The following NPAS2 variants were observed in gnomAD, a reference collection of about 807,000 sequenced individuals.
The protein encoded by NPAS2 is neuronal PAS domain protein 2, also known as neuronal PAS domain-containing protein 2.
NPAS2 carries 23 observed loss-of-function variants against 107.5 expected under a neutral mutation model. That is an observed-to-expected ratio of 0.21 (90% CI 0.15 to 0.30). The LOEUF (loss-of-function observed/expected upper bound fraction) is 0.30, where lower values mean the gene tolerates loss of function less well. Ranked by LOEUF, NPAS2 falls within the 10% of genes least tolerant of loss-of-function variation. The pLI is 1.00. For synonymous variants in NPAS2, 403 were observed against 417.5 expected (o/e 0.97, Z 0.42); for missense variants, 756 against 1,043.3 (o/e 0.72, Z 3.79).
In NPAS2 at chr2:100,996,651, A is replaced by G. The variant is rs1234824111; in HGVS notation, c.*1069A>G. On this transcript the variant is annotated 3_prime_UTR_variant, in exon 21 of 21. Coordinates refer to ENST00000335681, the MANE Select transcript of NPAS2 (RefSeq NM_002518.4). ...TGTAATTATAAGATGAAGCGTAGTG[A>G]ATTGTACAGCTGTTGTAATAATGAC... 6.6e-6 allele frequency: 1 copy of G among 152,668 alleles called. No individual in the cohort carries two copies. The highest frequency in any genetic ancestry group is 1.9e-4 in the East Asian group (1 of 5,200). 9.5% of individuals were successfully genotyped at this position (152,668 alleles called of 1,614,324 possible). A position where few individuals can be genotyped will look rare whatever the true frequency, so the allele number is the denominator to read the frequency against.
chr2:100,985,113 TCATC>T (rs1338396524), intron 16 of NPAS2: 1 of 152,068 alleles, frequency 6.6e-6, no homozygotes, highest in African/African-American at 2.4e-5. Flanking sequence ...CTCAACTGGT[TCATC>T]CATCCATCTA....
intron 7 of NPAS2, among the ~76,000 whole-genome samples, chr2:100,957,995 A>G (rs1423912097): frequency 1.3e-5 from 2 of 152,156 alleles, no homozygotes; most frequent in South Asian, 2.1e-4. Context: ...AGATAACTTC[A>G]TGCAAGAAGG....
intron 1 of NPAS2, among the ~76,000 whole-genome samples, chr2:100,873,195 C>T (rs1679684517): frequency 1.4e-5 from 2 of 138,322 alleles, no homozygotes; most frequent in Non-Finnish European, 1.5e-5. Context: ...GAGGTTGCAG[C>T]GAGCCAAGAC....
intron 2 of NPAS2, among the ~76,000 whole-genome samples, chr2:100,916,648 A>G (rs529229167): frequency 4.6e-5 from 7 of 152,324 alleles, no homozygotes; most frequent in Admixed American, 2.0e-4. Context: ...TGCTCCTCTT[A>G]GTAATAGAAC....
intron 7 of NPAS2, among the ~76,000 whole-genome samples, chr2:100,956,604 A>T (rs2105100427): frequency 6.6e-6 from 1 of 152,234 alleles, no homozygotes; most frequent in South Asian, 2.1e-4. Flanking sequence ...TGCTCCTCTG[A>T]TCAACTGAGT....
In NPAS2 at chr2:100,963,962, G is replaced by A. The variant is rs1321806638; in HGVS notation, c.599-96G>A. The A allele has an allele frequency of 3.6e-5, 26 of 732,082 alleles. No individual in the cohort carries two copies. In the Admixed American group the frequency reaches 4.9e-4, roughly 14 times the overall value. The allele number at this position is 732,082 out of a possible 1,614,324, so 45.3% of individuals were successfully genotyped here. A position where few individuals can be genotyped will look rare whatever the true frequency, so the allele number is the denominator to read the frequency against. On this transcript the variant is annotated intron_variant, in intron 7 of 20. Transcript: ENST00000335681. ...TTAATATACTCTACATAAACCCTGG[G>A]GGCAGCGCTTGGCTTACAGTTAAGT...
chr2:100,942,917 C>T (rs1674662243), intron 5 of NPAS2, among the ~76,000 whole-genome samples: 1 of 152,214 alleles, frequency 6.6e-6, no homozygotes, highest in African/African-American at 2.4e-5. Context: ...GATGTAGCTG[C>T]TGTGGGCTCT....
At chr2:100,904,829 C>G in intron 2 of NPAS2, 43 bp downstream of exon 2, 1 of 1,466,194 alleles carries the variant, frequency 6.8e-7, no homozygotes, top group Non-Finnish European at 9.4e-7. Flanking sequence ...CTCTCTGGCC[C>G]CCGGGGGTCT....
chr2:100,870,502 C>A (rs980954246), intron 1 of NPAS2, among the ~76,000 whole-genome samples: 1 of 152,068 alleles, frequency 6.6e-6, no homozygotes, highest in Non-Finnish European at 1.5e-5. Context: ...CTCAAGTGAT[C>A]CTCCTACCTC....
At chr2:100,929,949 T>C (rs1347026351) in intron 3 of NPAS2, among the ~76,000 whole-genome samples, 1 of 152,242 alleles carries the variant, frequency 6.6e-6, no homozygotes, top group East Asian at 1.9e-4. Flanking sequence ...GCTTCGGAAA[T>C]GAATTTTAAT....
intron 7 of NPAS2, among the ~76,000 whole-genome samples, chr2:100,954,075 A>G (rs917408345): frequency 2.0e-5 from 3 of 152,186 alleles, no homozygotes; most frequent in Admixed American, 6.5e-5. Flanking sequence ...TGTCGATTCC[A>G]AGAGAAAGAA....
intron 1 of NPAS2, among the ~76,000 whole-genome samples, chr2:100,821,684 T>C (rs1239706742): frequency 6.6e-6 from 1 of 152,210 alleles, no homozygotes; most frequent in Non-Finnish European, 1.5e-5. Context: ...GACCAACTAA[T>C]TATGGCTTGC....
At chr2:100,877,469 AAAT>A (rs1194609230) in intron 1 of NPAS2, among the ~76,000 whole-genome samples, 5 of 140,698 alleles carry the variant, frequency 3.6e-5, no homozygotes, top group Non-Finnish European at 6.3e-5. Context: ...AAAAAAAAAG[AAAT>A]GGTTGAAATA....
At chr2:100,881,309 C>T (rs920096850) in intron 1 of NPAS2, among the ~76,000 whole-genome samples, 2 of 152,214 alleles carry the variant, frequency 1.3e-5, no homozygotes, top group African/African-American at 4.8e-5. Context: ...GGGAATGCAG[C>T]GTCTCCCCTC....
intron 7 of NPAS2, among the ~76,000 whole-genome samples, chr2:100,951,169 G>A (rs1675201780): frequency 6.6e-6 from 1 of 152,168 alleles, no homozygotes; most frequent in African/African-American, 2.4e-5. Context: ...CACTGTCCTA[G>A]TGTGATACCA....
At chr2:100,897,001 G>A (rs533401392) in intron 1 of NPAS2, among the ~76,000 whole-genome samples, 23 of 152,268 alleles carry the variant, frequency 1.5e-4, no homozygotes, top group African/African-American at 2.9e-4. Flanking sequence ...TGAGGAGGCC[G>A]CAGGAAACTT....
chr2:100,884,953 ATT>A (rs59617726), intron 1 of NPAS2, among the ~76,000 whole-genome samples: 14 of 146,084 alleles, frequency 9.6e-5, no homozygotes, highest in East Asian at 6.0e-4. Flanking sequence ...TATATATATA[ATT>A]TTTTTTTTTT....
chr2:100,835,461 C>T (rs989029721), intron 1 of NPAS2, among the ~76,000 whole-genome samples: 2 of 152,104 alleles, frequency 1.3e-5, no homozygotes, highest in South Asian at 2.1e-4. Context: ...GTTTGGTGTC[C>T]GTGCTCGACT....
chr2:100,875,627 G>A (rs1476797116), intron 1 of NPAS2, among the ~76,000 whole-genome samples: 1 of 152,224 alleles, frequency 6.6e-6, no homozygotes, highest in Non-Finnish European at 1.5e-5. Flanking sequence ...AGGCTTGAAA[G>A]GCGCGGGCAG....
Sources: allele counts gnomAD v4.1 joint callset (sites outside exome capture counted in the v4.1 genomes callset), GRCh38; gene constraint gnomAD v4.1.1; transcripts MANE v1.5; gene names NCBI Gene and HGNC (gene_info 2026-07-23, HGNC 2026-07-21).